WIF1: variants seen among roughly 807,000 people sequenced by gnomAD.
WIF1 encodes the protein Wnt inhibitory factor 1.
WIF1 carries 35 observed loss-of-function variants against 53.5 expected under a neutral mutation model. That is an observed-to-expected ratio of 0.65 (90% CI 0.50 to 0.87). WIF1 has a LOEUF of 0.87. WIF1 is among the 40% of genes least tolerant of loss of function. WIF1 has a pLI of 0.00. For missense variants in WIF1, 467 were observed against 476.8 expected (o/e 0.98, Z 0.19); for synonymous variants, 171 against 170.4 (o/e 1.00, Z -0.03).
intron 3 of WIF1, among the ~76,000 whole-genome samples, chr12:65,070,078 T>C (rs902249491): frequency 6.6e-6 from 1 of 152,112 alleles, no homozygotes; most frequent in East Asian, 1.9e-4. Flanking sequence ...TCTCCCTAGG[T>C]TTATAGGAAT....
In WIF1 at chr12:65,062,553, T is replaced by C. The variant is rs755904782; in HGVS notation, c.754A>G (p.Asn252Asp). 24 of 1,608,078 alleles carry C rather than the reference T, an allele frequency of 1.5e-5. No homozygotes were observed. Among genetic ancestry groups the C allele is most frequent in the Non-Finnish European group, 2.0e-5 (23 of 1,176,780 alleles). Reference sequence around the variant, plus strand: ...CCAGGGTAGAAACAGGTCCCTCCATTAAAGCAGGTGGTTGAGCAGTTTGCT... The same window carrying C: ...CCAGGGTAGAAACAGGTCCCTCCATCAAAGCAGGTGGTTGAGCAGTTTGCT... The part of the protein sequence containing the change: ...DKANCSTTCF[N>D]GGTCFYPGKC... Residue 252 changes from asparagine (N) to aspartate (D), a missense_variant, in exon 7 of 10, where the codon AAT (asparagine) becomes GAT (aspartate). Asn to Asp is a conservative substitution (Grantham distance 23, BLOSUM62 1). Transcript: ENST00000286574.
chr12:65,062,747 A>T (rs752879625), intron 6 of WIF1, among the ~76,000 whole-genome samples, 171 bp from the exon 7 acceptor site: 1 of 152,156 alleles, frequency 6.6e-6, no homozygotes, highest in Non-Finnish European at 1.5e-5. Context: ...TTGCTTGCCT[A>T]TGTGCAGACT....
At chr12:65,084,335 G>A (rs1883002781) in intron 2 of WIF1, among the ~76,000 whole-genome samples, 1 of 152,148 alleles carries the variant, frequency 6.6e-6, no homozygotes, top group Admixed American at 6.5e-5. Flanking sequence ...CCCTGCTTAT[G>A]GATGGGATAA....
chr12:65,068,813 G>A lies in WIF1; in HGVS notation c.489C>T (p.Thr163=). ...DVIVMNSEGN[T]ILQTPQNAIF... ...TAGCATTTTGAGGTGTTTGGAGAATGGTGTTGCCTTCAGAATTCATAACAA... is the reference window on the plus strand; with the variant it reads ...TAGCATTTTGAGGTGTTTGGAGAATAGTGTTGCCTTCAGAATTCATAACAA... The change falls in exon 4 of 10, where the codon ACC becomes ACT. Residue 163 remains threonine (T), a synonymous_variant. Transcript: ENST00000286574. 6.2e-7 allele frequency: 1 copy of A among 1,613,652 alleles called. No homozygotes were observed. Among genetic ancestry groups the A allele is most frequent in the Non-Finnish European group, 8.5e-7 (1 of 1,179,722 alleles).
intron 2 of WIF1, among the ~76,000 whole-genome samples, chr12:65,089,811 C>T (rs185530245): frequency 1.3e-5 from 2 of 152,274 alleles, no homozygotes; most frequent in East Asian, 3.9e-4. Context: ...TCCCCTTCCT[C>T]ATCTTTATAC....
intron 3 of WIF1, among the ~76,000 whole-genome samples, chr12:65,070,659 C>A (rs1445481196): frequency 1.3e-5 from 2 of 152,148 alleles, no homozygotes; most frequent in Non-Finnish European, 2.9e-5. Flanking sequence ...TGGACGCCAT[C>A]ATCCAAACTT....
At chr12:65,119,811 G>A (rs1334091852) in intron 2 of WIF1, among the ~76,000 whole-genome samples, 1 of 152,146 alleles carries the variant, frequency 6.6e-6, no homozygotes, top group Non-Finnish European at 1.5e-5. Flanking sequence ...TAAAAGGAAT[G>A]CTTCTTCATA....
intron 2 of WIF1, among the ~76,000 whole-genome samples, chr12:65,088,561 A>C (rs1243330590): frequency 2.0e-5 from 3 of 152,122 alleles, no homozygotes; most frequent in Non-Finnish European, 1.5e-5. Context: ...TTTTTGCCCT[A>C]GTCACTATTA....
intron 6 of WIF1, among the ~76,000 whole-genome samples, chr12:65,065,147 A>T (rs1882668948): frequency 6.6e-6 from 1 of 152,186 alleles, no homozygotes; most frequent in South Asian, 2.1e-4. Flanking sequence ...TTAAAAGACC[A>T]CTTTAAAAAA....
intron 3 of WIF1, among the ~76,000 whole-genome samples, chr12:65,071,585 A>G (rs1882774861): frequency 6.6e-6 from 1 of 152,182 alleles, no homozygotes; most frequent in Non-Finnish European, 1.5e-5. Context: ...TAAAGACCTA[A>G]TATACTCTAG....
chr12:65,094,510 G>A (rs1210961995), intron 2 of WIF1, among the ~76,000 whole-genome samples: 1 of 152,094 alleles, frequency 6.6e-6, no homozygotes, highest in Admixed American at 6.6e-5. Flanking sequence ...TTAGAAATGT[G>A]GGTGTTTAGT....
chr12:65,119,729 T>A (rs1883571844), intron 2 of WIF1, among the ~76,000 whole-genome samples: 1 of 152,214 alleles, frequency 6.6e-6, no homozygotes, highest in African/African-American at 2.4e-5. Context: ...CATTTTATTC[T>A]TTCTTTCTAA....
At chr12:65,106,637 C>A (rs889220759) in intron 2 of WIF1, among the ~76,000 whole-genome samples, 22 of 152,102 alleles carry the variant, frequency 1.4e-4, no homozygotes. Context: ...TGAGCCACTG[C>A]GCCCATCCCA....
chr12:65,078,284 G>T (rs1015992668), intron 2 of WIF1, among the ~76,000 whole-genome samples: 7 of 152,100 alleles, frequency 4.6e-5, no homozygotes, highest in African/African-American at 1.4e-4. Flanking sequence ...TCACCATGTT[G>T]CCGGGGTCTG....
At chr12:65,100,935 C>T (rs116325615) in intron 2 of WIF1, among the ~76,000 whole-genome samples, 2,949 of 152,146 alleles carry the variant, frequency 0.019, 105 homozygotes, top group African/African-American at 0.068. Context: ...TATGTGATAA[C>T]ATGGGAAACT....
At chr12:65,092,535 G>T (rs866026152) in intron 2 of WIF1, among the ~76,000 whole-genome samples, 1 of 150,838 alleles carries the variant, frequency 6.6e-6, no homozygotes, top group Admixed American at 6.6e-5. Flanking sequence ...CATGGTATGC[G>T]ATTGCTGTTT....
At chr12:65,058,851 A>G (rs1882568551) in intron 7 of WIF1, among the ~76,000 whole-genome samples, 2 of 152,212 alleles carry the variant, frequency 1.3e-5, no homozygotes, top group Admixed American at 1.3e-4. Context: ...GGAGTTCAAG[A>G]CTAGCCTGGC....
intron 3 of WIF1, among the ~76,000 whole-genome samples, chr12:65,070,886 A>G (rs1272488330): frequency 2.6e-5 from 4 of 152,120 alleles, no homozygotes; most frequent in Non-Finnish European, 1.5e-5. Flanking sequence ...TGTCTTATTA[A>G]GTTTGTAGGA....
intron 7 of WIF1, among the ~76,000 whole-genome samples, chr12:65,059,354 A>T (rs1201583069): frequency 6.6e-6 from 1 of 152,224 alleles, no homozygotes; most frequent in Non-Finnish European, 1.5e-5. Context: ...TGTTTTCTCC[A>T]ATATTCTAAA....
Sources: gnomAD v4.1 joint callset for allele counts (sites outside exome capture counted in the v4.1 genomes callset) on GRCh38, gnomAD v4.1.1 for gene constraint, MANE v1.5 for transcripts, NCBI Gene and HGNC (gene_info 2026-07-23, HGNC 2026-07-21) for gene names.